The following LSAMP variants were observed in gnomAD, a reference collection of about 807,000 sequenced individuals.
LSAMP encodes limbic system-associated membrane protein.
A neutral mutation model predicts 38.6 loss-of-function variants in LSAMP; 7 were observed. That is an observed-to-expected ratio of 0.18 (90% CI 0.10 to 0.34). The LOEUF is 0.34. Among genes scored for constraint, LSAMP ranks in the 10% least tolerant of loss-of-function variants. The probability of loss-of-function intolerance (pLI) is 1.00; values close to 1 mark genes in which losing one functional copy is unlikely to be tolerated. For missense variants in LSAMP, 313 were observed against 420.0 expected (o/e 0.75, Z 2.23); for synonymous variants, 154 against 166.8 (o/e 0.92, Z 0.59).
chr3:116,252,991 C>A (rs990086494), intron 1 of LSAMP, among the ~76,000 whole-genome samples: 1 of 152,254 alleles, frequency 6.6e-6, no homozygotes, highest in Middle Eastern at 3.4e-3. Flanking sequence ...TCAGTCCAGC[C>A]CTTTCTGGAC....
intron 1 of LSAMP, among the ~76,000 whole-genome samples, chr3:116,417,351 T>C (rs1169170324): frequency 2.0e-5 from 3 of 152,178 alleles, no homozygotes; most frequent in Non-Finnish European, 4.4e-5. Context: ...TGGAAACCCA[T>C]TTGGGATGCA....
At chr3:116,213,504 G>A (rs2046186519) in intron 1 of LSAMP, among the ~76,000 whole-genome samples, 1 of 152,196 alleles carries the variant, frequency 6.6e-6, no homozygotes, top group African/African-American at 2.4e-5. Context: ...AAAGTGCTCA[G>A]TCTTGGGTGT....
intron 3 of LSAMP, among the ~76,000 whole-genome samples, chr3:115,998,287 T>C (rs1939886279): frequency 6.6e-6 from 1 of 151,918 alleles, no homozygotes; most frequent in Non-Finnish European, 1.5e-5. Flanking sequence ...GGGTAAGGGG[T>C]AAATATGATC....
chr3:116,121,511 C>T (rs1204427940), intron 1 of LSAMP, among the ~76,000 whole-genome samples: 1 of 152,164 alleles, frequency 6.6e-6, no homozygotes, highest in Non-Finnish European at 1.5e-5. Flanking sequence ...ACATGTATTT[C>T]ATTCTCCCCC....
chr3:115,903,096 T>C (rs1032437712), intron 3 of LSAMP, among the ~76,000 whole-genome samples: 4 of 152,104 alleles, frequency 2.6e-5, no homozygotes, highest in African/African-American at 9.7e-5. Flanking sequence ...TAAATGCCTA[T>C]CAATGGTTAG....
chr3:115,857,977 G>C (rs1193138009), intron 3 of LSAMP, among the ~76,000 whole-genome samples: 1 of 152,148 alleles, frequency 6.6e-6, no homozygotes, highest in Non-Finnish European at 1.5e-5. Flanking sequence ...GCTTTAGTGA[G>C]CCCTGTAGTT....
intron 1 of LSAMP, among the ~76,000 whole-genome samples, chr3:116,247,166 G>C (rs1487200757): frequency 6.6e-6 from 1 of 152,206 alleles, no homozygotes; most frequent in Non-Finnish European, 1.5e-5. Context: ...AAAGTAATGT[G>C]AAAGTTGGGA....
chr3:115,819,338 G>A (rs1186872663), intron 6 of LSAMP, among the ~76,000 whole-genome samples: 1 of 151,988 alleles, frequency 6.6e-6, no homozygotes, highest in Non-Finnish European at 1.5e-5. Flanking sequence ...GGGAGGCGGA[G>A]GCAGGAGAAT....
At chr3:116,264,569 TAGAGA>T (rs1415587176) in intron 1 of LSAMP, among the ~76,000 whole-genome samples, 1 of 152,088 alleles carries the variant, frequency 6.6e-6, no homozygotes, top group Non-Finnish European at 1.5e-5. Context: ...GATAGAGAGT[TAGAGA>T]AGAGAAGATG....
At chr3:116,202,006 C>G (rs760714636) in intron 1 of LSAMP, among the ~76,000 whole-genome samples, 1 of 152,184 alleles carries the variant, frequency 6.6e-6, no homozygotes, top group Non-Finnish European at 1.5e-5. Flanking sequence ...CCCTCTTCCC[C>G]TGTGGTCTTT....
chr3:116,087,843 A>T (rs1708025475), intron 1 of LSAMP, among the ~76,000 whole-genome samples: 1 of 150,124 alleles, frequency 6.7e-6, no homozygotes, highest in Non-Finnish European at 1.5e-5. Context: ...TAATACAAAG[A>T]CCTCCTTATC....
rs148527928 is a variant in LSAMP at position 116,065,461 on chromosome 3, A to T, written c.388+20863T>A. ...AGACACTCAAAATGCTTTTCCAGTG[A>T]TCTGTACTGTACTAGAGGGCTATAC... On this transcript the variant is annotated intron_variant, in intron 2 of 6. Coordinates refer to ENST00000490035, the MANE Select transcript of LSAMP (RefSeq NM_002338.5). Among the ~76,000 whole-genome samples, 978 of 152,304 alleles carry T rather than the reference A, an allele frequency of 6.4e-3. 10 individuals carry two copies. The highest frequency in any genetic ancestry group is 0.022 in the African/African-American group (925 of 41,554).
chr3:116,033,178 A>G (rs61351848), intron 2 of LSAMP, among the ~76,000 whole-genome samples: 13,288 of 152,148 alleles, frequency 0.087, 1,904 homozygotes, highest in African/African-American at 0.3. Flanking sequence ...TACTGCCTGT[A>G]TCACTTCCCT....
At chr3:116,185,894 C>CA (rs58376954) in intron 1 of LSAMP, among the ~76,000 whole-genome samples, 12,637 of 105,778 alleles carry the variant, frequency 0.12, 581 homozygotes, top group East Asian at 0.14. Flanking sequence ...GAAAAAGAAG[C>CA]AAAAAAAAAA....
intron 1 of LSAMP, among the ~76,000 whole-genome samples, chr3:116,389,484 A>C (rs983371179): frequency 6.6e-6 from 1 of 152,150 alleles, no homozygotes; most frequent in African/African-American, 2.4e-5. Flanking sequence ...TCCCCCTCCA[A>C]AACAGGCCTG....
chr3:116,367,553 G>A (rs1362448290), intron 1 of LSAMP, among the ~76,000 whole-genome samples: 1 of 144,062 alleles, frequency 6.9e-6, no homozygotes, highest in Non-Finnish European at 1.5e-5. Context: ...TGCCCAGGCT[G>A]GAGTGCAGTG....
At chr3:116,126,584 AG>A (rs769508737) in intron 1 of LSAMP, among the ~76,000 whole-genome samples, 34 of 152,058 alleles carry the variant, frequency 2.2e-4, no homozygotes, top group Non-Finnish European at 4.0e-4. Flanking sequence ...GCTAGGGGCC[AG>A]GGGCAGTGGC....
intron 3 of LSAMP, among the ~76,000 whole-genome samples, chr3:115,935,570 G>A (rs1937672091): frequency 6.6e-6 from 1 of 152,100 alleles, no homozygotes; most frequent in African/African-American, 2.4e-5. Context: ...TATTCTCCTG[G>A]GAAATGATTT....
chr3:115,907,862 T>G (rs1178382056), intron 3 of LSAMP, among the ~76,000 whole-genome samples: 2 of 152,126 alleles, frequency 1.3e-5, no homozygotes, highest in Non-Finnish European at 2.9e-5. Flanking sequence ...GTGACATCAT[T>G]TAGGGGCTTC....
Sources: gnomAD v4.1 joint callset for allele counts (sites outside exome capture counted in the v4.1 genomes callset) on GRCh38, gnomAD v4.1.1 for gene constraint, MANE v1.5 for transcripts, NCBI Gene and HGNC (gene_info 2026-07-23, HGNC 2026-07-21) for gene names.